The following CTNNA3 variants were observed in gnomAD, a reference collection of about 807,000 sequenced individuals.
The protein encoded by CTNNA3 is catenin alpha 3, also known as catenin alpha-3.
A neutral mutation model predicts 95.7 loss-of-function variants in CTNNA3; 76 were observed. The ratio of observed to expected loss-of-function variants is 0.79; its 90% CI spans 0.66 to 0.96. The LOEUF (loss-of-function observed/expected upper bound fraction) is 0.96, where lower values mean the gene tolerates loss of function less well. Among genes scored for constraint, CTNNA3 ranks in the 40% least tolerant of loss-of-function variants. CTNNA3 has a pLI of 0.00. For missense variants in CTNNA3, 1,191 were observed against 1,089.8 expected (o/e 1.09, Z -1.31); for synonymous variants, 431 against 374.4 (o/e 1.15, Z -1.74).
chr10:67,582,260 C>A (rs1319562365), intron 3 of CTNNA3, among the ~76,000 whole-genome samples: 2 of 133,860 alleles, frequency 1.5e-5, no homozygotes, highest in African/African-American at 2.8e-5. Flanking sequence ...TATGTTGTGT[C>A]TTTGTTCTCA....
chr10:65,941,486 C>T (rs922362770), intron 17 of CTNNA3, among the ~76,000 whole-genome samples: 4 of 152,206 alleles, frequency 2.6e-5, no homozygotes, highest in Admixed American at 6.5e-5. Context: ...AAGCTACCCA[C>T]GTGATTCCCA....
At chr10:66,473,017 G>A (rs1423606163) in intron 11 of CTNNA3, among the ~76,000 whole-genome samples, 1 of 151,904 alleles carries the variant, frequency 6.6e-6, no homozygotes, top group East Asian at 1.9e-4. Context: ...CATGTTTTTG[G>A]TATTTATTTA....
intron 13 of CTNNA3, among the ~76,000 whole-genome samples, chr10:66,228,255 A>C (rs1050640670): frequency 6.6e-6 from 1 of 152,068 alleles, no homozygotes; most frequent in Non-Finnish European, 1.5e-5. Context: ...CTCAGAATGC[A>C]TCATTAGGTT....
At chr10:67,034,807 T>A (rs1263926994) in intron 7 of CTNNA3, among the ~76,000 whole-genome samples, 2 of 152,192 alleles carry the variant, frequency 1.3e-5, no homozygotes, top group Admixed American at 6.5e-5. Context: ...ACCTACCATA[T>A]CAGTCTTGCC....
At chr10:67,557,424 T>G (rs1185464769) in intron 3 of CTNNA3, among the ~76,000 whole-genome samples, 4 of 152,212 alleles carry the variant, frequency 2.6e-5, no homozygotes, top group Non-Finnish European at 5.9e-5. Context: ...TCTATCTCTA[T>G]GCTCACTAAG....
chr10:66,850,327 C>G (rs1030139695), intron 7 of CTNNA3, among the ~76,000 whole-genome samples: 2 of 152,096 alleles, frequency 1.3e-5, no homozygotes, highest in African/African-American at 2.4e-5. Flanking sequence ...TTCCTAACTG[C>G]TACGTGCCTA....
intron 5 of CTNNA3, among the ~76,000 whole-genome samples, chr10:67,369,697 A>G (rs543902628): frequency 5.9e-5 from 9 of 152,332 alleles, no homozygotes; most frequent in African/African-American, 2.2e-4. Flanking sequence ...GTGAACAAAT[A>G]TGCATATGTA....
At chr10:67,500,932 T>A (rs1564696299) in intron 5 of CTNNA3, among the ~76,000 whole-genome samples, 1 of 152,208 alleles carries the variant, frequency 6.6e-6, no homozygotes, top group East Asian at 1.9e-4. Flanking sequence ...TGCCAGTCTG[T>A]GTCTTTTAAT....
At chr10:66,443,771 C>A (rs980564980) in intron 11 of CTNNA3, among the ~76,000 whole-genome samples, 2 of 152,130 alleles carry the variant, frequency 1.3e-5, no homozygotes, top group African/African-American at 4.8e-5. Context: ...GAGCACCTCT[C>A]CTCCTCCAAA....
At chr10:66,949,998 T>C (rs1242349824) in intron 7 of CTNNA3, among the ~76,000 whole-genome samples, 1 of 152,178 alleles carries the variant, frequency 6.6e-6, no homozygotes, top group Non-Finnish European at 1.5e-5. Flanking sequence ...TAACACAATC[T>C]GGGCTCAACC....
chr10:66,444,507 G>A (rs967963743), intron 11 of CTNNA3, among the ~76,000 whole-genome samples: 2 of 151,836 alleles, frequency 1.3e-5, no homozygotes, highest in Non-Finnish European at 2.9e-5. Context: ...AGAAGAGAGT[G>A]GGGGCCAACA....
At chr10:67,170,525 C>A (rs1406371400) in intron 7 of CTNNA3, among the ~76,000 whole-genome samples, 2 of 152,066 alleles carry the variant, frequency 1.3e-5, no homozygotes, top group Non-Finnish European at 2.9e-5. Context: ...AAACAGAAAA[C>A]CAAATACCAC....
At chr10:66,426,312 TTTAAC>T (rs1275825544) in intron 11 of CTNNA3, among the ~76,000 whole-genome samples, 1 of 152,118 alleles carries the variant, frequency 6.6e-6, no homozygotes, top group African/African-American at 2.4e-5. Flanking sequence ...TATTGTCCAA[TTTAAC>T]TTGTTTTTAA....
At position 65,972,838 on chromosome 10, in the gene CTNNA3, A is replaced by G. The variant is rs138266488; in HGVS notation, c.2266-6092T>C. ...AACGTCATTTTTCACAGAACTAGAA[A>G]AAGAACTATTCTAAAATTCATATGA... On this transcript the variant is annotated intron_variant, in intron 16 of 17. Coordinates refer to ENST00000433211, the MANE Select transcript of CTNNA3 (RefSeq NM_013266.4). Among the ~76,000 whole-genome samples the G allele has an allele frequency of 2.4e-3, 364 of 152,222 alleles. 2 individuals are homozygous for G. Among genetic ancestry groups the G allele is most frequent in the African/African-American group, 8.3e-3 (343 of 41,544 alleles).
intron 5 of CTNNA3, among the ~76,000 whole-genome samples, chr10:67,312,623 C>T (rs914638768): frequency 6.6e-6 from 1 of 152,136 alleles, no homozygotes; most frequent in Non-Finnish European, 1.5e-5. Context: ...TAGCAAAGAC[C>T]AGCCTTAGAA....
chr10:66,027,384 C>T (rs560615969), intron 15 of CTNNA3, among the ~76,000 whole-genome samples: 11 of 151,992 alleles, frequency 7.2e-5, no homozygotes, highest in Non-Finnish European at 1.2e-4. Flanking sequence ...AACACTAGGT[C>T]CAAAATGAAG....
At chr10:66,617,602 T>C (rs1057113125) in intron 10 of CTNNA3, among the ~76,000 whole-genome samples, 3 of 152,104 alleles carry the variant, frequency 2.0e-5, no homozygotes, top group Non-Finnish European at 4.4e-5. Context: ...ACAGCCAATA[T>C]CATACTGAAT....
At chr10:66,434,821 CA>C (rs2093325599) in intron 11 of CTNNA3, among the ~76,000 whole-genome samples, 1 of 152,094 alleles carries the variant, frequency 6.6e-6, no homozygotes, top group Non-Finnish European at 1.5e-5. Context: ...TATGTTCCAT[CA>C]ATACCTAATT....
chr10:66,568,726 G>T (rs1911294), intron 10 of CTNNA3, among the ~76,000 whole-genome samples: 1 of 151,240 alleles, frequency 6.6e-6, no homozygotes, highest in Non-Finnish European at 1.5e-5. Flanking sequence ...TGCAACTCTG[G>T]TATCTTCTTT....
Sources: allele counts gnomAD v4.1 joint callset (sites outside exome capture counted in the v4.1 genomes callset), GRCh38; gene constraint gnomAD v4.1.1; transcripts MANE v1.5; gene names NCBI Gene and HGNC (gene_info 2026-07-23, HGNC 2026-07-21).